Variants in DENND5A observed in about 807,000 individuals in gnomAD.
DENND5A encodes DENN domain-containing protein 5A.
Under a neutral mutation model 140.3 loss-of-function variants are expected in DENND5A, and 64 were observed. The observed-to-expected ratio is 0.46, with a 90% CI of 0.37 to 0.56. DENND5A has a LOEUF of 0.56. Ranked by LOEUF, DENND5A falls within the 20% of genes least tolerant of loss-of-function variation. DENND5A has a pLI of 0.00. For missense variants in DENND5A, 1,292 were observed against 1,593.8 expected (o/e 0.81, Z 3.22); for synonymous variants, 605 against 607.7 (o/e 1.00, Z 0.07).
At chr11:9,232,280 A>G (rs541943979) in intron 1 of DENND5A, among the ~76,000 whole-genome samples, 4 of 152,286 alleles carry the variant, frequency 2.6e-5, no homozygotes, top group Admixed American at 1.3e-4. Context: ...AGTCGCCATT[A>G]AAAGAATGAA....
At chr11:9,264,189 C>A (rs11042252) in intron 1 of DENND5A, among the ~76,000 whole-genome samples, 59,486 of 151,916 alleles carry the variant, frequency 0.39, 12,420 homozygotes, top group East Asian at 0.5. Flanking sequence ...CAGTGAGTGC[C>A]AAATCTGGTC....
chr11:9,252,908 G>A (rs145843307), intron 1 of DENND5A, among the ~76,000 whole-genome samples: 223 of 150,506 alleles, frequency 1.5e-3, no homozygotes, highest in African/African-American at 4.6e-3. Context: ...GGAGTGCAGT[G>A]GCACAATCAT....
intron 1 of DENND5A, among the ~76,000 whole-genome samples, chr11:9,232,117 A>G (rs1850798004): frequency 1.3e-5 from 2 of 152,152 alleles, no homozygotes; most frequent in South Asian, 4.1e-4. Context: ...AGGACTGTAG[A>G]TCTAAATATG....
chr11:9,142,669 T>A, intron 21 of DENND5A, 53 bp downstream of exon 21: 2 of 1,607,778 alleles, frequency 1.2e-6, no homozygotes, highest in Non-Finnish European at 1.7e-6. Flanking sequence ...TGCTGGTGAG[T>A]CCCCTTATAT....
chr11:9,160,791 C>T lies in DENND5A; in HGVS notation c.2358G>A (p.Gly786=). The stretch of plus-strand genomic sequence containing the variant: ...TGGCAATCAGGGTGTTCTCTTCCAC[C>T]CCTGTGATGTTCACCTCCCCATGCC... ...ELGHGEVNIT[G]VEENTLIASL... Residue 786 remains glycine, a synonymous_variant, in exon 12 of 23, where the codon GGG becomes GGA. Transcript: ENST00000328194. The T allele has an allele frequency of 6.2e-7, 1 of 1,614,064 alleles. No individual in the cohort carries two copies. The highest frequency in any genetic ancestry group is 8.5e-7 in the Non-Finnish European group (1 of 1,179,928).
chr11:9,254,866 T>C (rs1851878094), intron 1 of DENND5A, among the ~76,000 whole-genome samples: 2 of 151,650 alleles, frequency 1.3e-5, no homozygotes, highest in Admixed American at 6.6e-5. Context: ...AGGTCAAGAG[T>C]TCGAGACCAG....
chr11:9,248,587 T>G (rs761925349), intron 1 of DENND5A, among the ~76,000 whole-genome samples: 1 of 151,782 alleles, frequency 6.6e-6, no homozygotes, highest in Non-Finnish European at 1.5e-5. Context: ...CTGGGAGGTC[T>G]AGGCTGAACT....
At chr11:9,179,133 T>G in intron 6 of DENND5A, 60 bp from the exon 7 acceptor site, 1 of 1,446,732 alleles carries the variant, frequency 6.9e-7, no homozygotes, top group South Asian at 1.2e-5. Flanking sequence ...ACCCAAGGAA[T>G]GCAATTCCTG....
In DENND5A at chr11:9,255,329, G is replaced by A. The variant is rs558147194; in HGVS notation, c.109+9632C>T. On this transcript the variant is annotated intron_variant, in intron 1 of 22. Coordinates refer to ENST00000328194, the MANE Select transcript of DENND5A (RefSeq NM_015213.4). ...AACACGGCCGGGCGCGGTGGCTCAC[G>A]CCTGTAATCCCAGCACTTTGGGAGG... is the stretch of plus-strand genomic sequence containing the variant. Among the ~76,000 whole-genome samples the A allele has an allele frequency of 3.9e-5, 6 of 152,188 alleles. No homozygotes were observed. In the East Asian group the frequency reaches 7.8e-4, roughly 20 times the overall value.
chr11:9,176,751 C>A, intron 8 of DENND5A: 1 of 363,226 alleles, frequency 2.8e-6, no homozygotes, highest in Admixed American at 3.3e-5. Context: ...GTTTGTGTGG[C>A]AAATACCATC....
chr11:9,225,329 A>T (rs1441718191), intron 1 of DENND5A, among the ~76,000 whole-genome samples: 1 of 152,190 alleles, frequency 6.6e-6, no homozygotes, highest in Non-Finnish European at 1.5e-5. Flanking sequence ...ACTATATCCT[A>T]GTCATTCCTG....
chr11:9,179,894 T>C (rs1416799933), intron 6 of DENND5A, among the ~76,000 whole-genome samples: 1 of 152,118 alleles, frequency 6.6e-6, no homozygotes, highest in African/African-American at 2.4e-5. Flanking sequence ...AAAAAAAATC[T>C]GCTCCACTAA....
At chr11:9,251,993 A>G (rs1476121364) in intron 1 of DENND5A, among the ~76,000 whole-genome samples, 5 of 143,974 alleles carry the variant, frequency 3.5e-5, no homozygotes, top group African/African-American at 1.3e-4. Context: ...TGTCTCGCGA[A>G]AAAAAAGAAA....
At chr11:9,226,859 T>A (rs1368380724) in intron 1 of DENND5A, among the ~76,000 whole-genome samples, 6 of 152,044 alleles carry the variant, frequency 3.9e-5, no homozygotes, top group Non-Finnish European at 7.4e-5. Flanking sequence ...ACCCTGTCAA[T>A]AAATCCAAGC....
At position 9,239,187 on chromosome 11, in the gene DENND5A, C is replaced by T. The variant is rs1851131376; in HGVS notation, c.109+25774G>A. 2.0e-5 allele frequency among the ~76,000 whole-genome samples: 3 copies of T among 151,790 alleles called. No homozygotes were observed. In the South Asian group the frequency reaches 6.2e-4, roughly 31 times the overall value. On this transcript the variant is annotated intron_variant, in intron 1 of 22. Coordinates refer to ENST00000328194, the MANE Select transcript of DENND5A (RefSeq NM_015213.4). ...TTAGAAACTGTATTTTAAAACTCAA[C>T]ATTTTATTTATTTATTTATTTATTT... is the stretch of plus-strand genomic sequence containing the variant.
chr11:9,158,196 T>C (rs1234187370), intron 12 of DENND5A, among the ~76,000 whole-genome samples: 1 of 152,158 alleles, frequency 6.6e-6, no homozygotes, highest in Non-Finnish European at 1.5e-5. Flanking sequence ...CTGAGCTTAG[T>C]GCTTTACATT....
At chr11:9,182,091 A>G (rs930006543) in intron 5 of DENND5A, among the ~76,000 whole-genome samples, 4 of 152,188 alleles carry the variant, frequency 2.6e-5, no homozygotes, top group Admixed American at 2.6e-4. Context: ...AGGCTGAGGC[A>G]GATCACCTGA....
At chr11:9,170,145 C>G in intron 9 of DENND5A, 196 bp from the exon 10 acceptor site, 2 of 493,054 alleles carry the variant, frequency 4.1e-6, no homozygotes, top group Non-Finnish European at 5.3e-6. Context: ...GAGACACCTC[C>G]TCATGGAACA....
At chr11:9,197,426 T>C (rs1308310977) in intron 4 of DENND5A, among the ~76,000 whole-genome samples, 2 of 149,934 alleles carry the variant, frequency 1.3e-5, no homozygotes, top group Non-Finnish European at 3.0e-5. Context: ...CTGAGTGCAG[T>C]GGCTCACGCC....
Sources: gnomAD v4.1 joint callset for allele counts (sites outside exome capture counted in the v4.1 genomes callset) on GRCh38, gnomAD v4.1.1 for gene constraint, MANE v1.5 for transcripts, NCBI Gene and HGNC (gene_info 2026-07-23, HGNC 2026-07-21) for gene names.